The following TBC1D4 variants were observed in gnomAD, a reference collection of about 807,000 sequenced individuals.
TBC1D4 encodes TBC1 domain family member 4, also known as TBC (Tre-2, BUB2, CDC16) domain-containing protein.
Under a neutral mutation model 142.5 loss-of-function variants are expected in TBC1D4, and 121 were observed. The ratio of observed to expected loss-of-function variants is 0.85; its 90% CI spans 0.73 to 0.99. The LOEUF (loss-of-function observed/expected upper bound fraction) is 0.99, where lower values mean the gene tolerates loss of function less well. Ranked by LOEUF, TBC1D4 falls within the 50% of genes least tolerant of loss-of-function variation. TBC1D4 has a pLI of 0.00. For synonymous variants in TBC1D4, 630 were observed against 628.2 expected (o/e 1.00, Z -0.04); for missense variants, 1,475 against 1,606.6 (o/e 0.92, Z 1.40).
chr13:75,383,901 T>C (rs1884012314), intron 1 of TBC1D4, among the ~76,000 whole-genome samples: 1 of 152,238 alleles, frequency 6.6e-6, no homozygotes, highest in South Asian at 2.1e-4. Context: ...ATTTCCTGGG[T>C]ACATGGCCTA....
chr13:75,419,071 A>T (rs1484895857), intron 1 of TBC1D4, among the ~76,000 whole-genome samples: 1 of 152,132 alleles, frequency 6.6e-6, no homozygotes, highest in Non-Finnish European at 1.5e-5. Flanking sequence ...TCTTTCACAC[A>T]CACAAACACA....
At chr13:75,472,881 C>T (rs1888473790) in intron 1 of TBC1D4, among the ~76,000 whole-genome samples, 1 of 152,190 alleles carries the variant, frequency 6.6e-6, no homozygotes, top group African/African-American at 2.4e-5. Flanking sequence ...TTCAGGTAAA[C>T]TCAGGAAAAG....
chr13:75,298,330 C>G (rs183416530), intron 17 of TBC1D4, among the ~76,000 whole-genome samples: 23 of 152,268 alleles, frequency 1.5e-4, no homozygotes, highest in Admixed American at 3.3e-4. Flanking sequence ...TAGCAACCAA[C>G]CCACTTAGAG....
intron 11 of TBC1D4, among the ~76,000 whole-genome samples, chr13:75,323,245 AAAC>A (rs570501900): frequency 1.3e-3 from 199 of 152,276 alleles, no homozygotes; most frequent in African/African-American, 4.6e-3. Context: ...GCCAATTATC[AAAC>A]AACAAGAAAC....
chr13:75,292,618 AC>A (rs1230957349), intron 18 of TBC1D4, among the ~76,000 whole-genome samples: 2 of 152,196 alleles, frequency 1.3e-5, no homozygotes, highest in African/African-American at 4.8e-5. Flanking sequence ...CAACAGGAAT[AC>A]AAAAACAAAT....
At chr13:75,425,424 T>G (rs1056915770) in intron 1 of TBC1D4, among the ~76,000 whole-genome samples, 1 of 152,188 alleles carries the variant, frequency 6.6e-6, no homozygotes, top group Non-Finnish European at 1.5e-5. Context: ...TAGAGGTTCC[T>G]CAAAATAGAA....
rs778098545 is a variant in TBC1D4, at chr13:75,336,947, T to C, written c.1705A>G (p.Ser569Gly). ...LKNKAKRSLTSSLENIFSRGA... is the reference protein window; with the variant it reads ...LKNKAKRSLTGSLENIFSRGA... ...CTTGAGAAGATATTTTCCAGGGAGC[T>C]AGTTAAGGATCTCTTAGCTTTATTT... The change falls in exon 8 of 21, where the codon AGC becomes GGC. Residue 569 changes from serine (S) to glycine (G), a missense_variant. Physicochemically the swap from Ser to Gly is moderately conservative, Grantham distance 56. Around this residue, in one of 2 missense-constraint regions of TBC1D4, gnomAD observed 1,227 missense variants for 1,267.7 expected, o/e 0.97. Coordinates refer to ENST00000377636, the MANE Select transcript of TBC1D4 (RefSeq NM_014832.5). 6.8e-6 allele frequency: 11 copies of C among 1,613,726 alleles called. No individual in the cohort carries two copies. Among genetic ancestry groups the C allele is most frequent in the Non-Finnish European group, 8.5e-6 (10 of 1,179,792 alleles).
chr13:75,359,939 A>C (rs1247138736), intron 2 of TBC1D4, 81 bp from the exon 3 acceptor site: 4 of 1,115,194 alleles, frequency 3.6e-6, no homozygotes, highest in Non-Finnish European at 5.4e-6. Flanking sequence ...TAAACTAATA[A>C]TATAGATTCA....
In TBC1D4 at chr13:75,369,662, C is replaced by G. The variant is rs1225754139; in HGVS notation, c.499-7055G>C. 3.3e-5 allele frequency among the ~76,000 whole-genome samples: 5 copies of G among 152,124 alleles called. No individual in the cohort carries two copies. The East Asian group carries it at 9.6e-4, about 29-fold the overall frequency. The stretch of plus-strand genomic sequence containing the variant: ...TATCTACAGAAAAGATATGATACCC[C>G]CTAGGTCTCAGGTTTTTCATATGCA... On this transcript the variant is annotated intron_variant, in intron 1 of 20. Coordinates refer to ENST00000377636, the MANE Select transcript of TBC1D4 (RefSeq NM_014832.5).
chr13:75,422,864 C>G (rs188520506), intron 1 of TBC1D4, among the ~76,000 whole-genome samples: 10 of 152,202 alleles, frequency 6.6e-5, no homozygotes, highest in African/African-American at 2.4e-4. Flanking sequence ...TTCAGCTACT[C>G]TCGGTTTTTA....
intron 3 of TBC1D4, among the ~76,000 whole-genome samples, chr13:75,356,858 T>TA (rs549546698): frequency 9.3e-4 from 141 of 152,060 alleles, no homozygotes; most frequent in Non-Finnish European, 1.9e-3. Context: ...TATATCCCAT[T>TA]AAAAAAAATC....
At chr13:75,474,096 T>G (rs974169527) in intron 1 of TBC1D4, among the ~76,000 whole-genome samples, 9 of 152,240 alleles carry the variant, frequency 5.9e-5, no homozygotes, top group Non-Finnish European at 1.5e-5. Context: ...AAGTACATAC[T>G]GGCATAACTA....
intron 1 of TBC1D4, among the ~76,000 whole-genome samples, chr13:75,448,610 TA>T (rs764451867): frequency 1.3e-5 from 2 of 149,774 alleles, no homozygotes; most frequent in African/African-American, 2.5e-5. Flanking sequence ...AAAAACACCA[TA>T]AAAAAACTCC....
intron 1 of TBC1D4, among the ~76,000 whole-genome samples, chr13:75,392,136 C>A (rs1347939515): frequency 6.6e-6 from 1 of 151,914 alleles, no homozygotes; most frequent in Admixed American, 6.6e-5. Context: ...AAACAGAAGC[C>A]CTATAAAACC....
chr13:75,291,500 C>T (rs1324905802), intron 19 of TBC1D4, among the ~76,000 whole-genome samples: 1 of 152,154 alleles, frequency 6.6e-6, no homozygotes, highest in Non-Finnish European at 1.5e-5. Context: ...ATAGATGGTT[C>T]CTTCATTTGA....
In TBC1D4 at chr13:75,451,632, A is replaced by G. The variant is rs915822252; in HGVS notation, c.498+29638T>C. On this transcript the variant is annotated intron_variant, in intron 1 of 20. Coordinates refer to ENST00000377636, the MANE Select transcript of TBC1D4 (RefSeq NM_014832.5). ...GAGTTTGAGGATGTAGTGAGCTATGATTGCACCACTGCACTCCAGCCTGGG... is the reference window on the plus strand; with the variant it reads ...GAGTTTGAGGATGTAGTGAGCTATGGTTGCACCACTGCACTCCAGCCTGGG... Among the ~76,000 whole-genome samples the G allele has an allele frequency of 2.0e-5, 3 of 150,244 alleles. No homozygotes were observed. In the Admixed American group the frequency reaches 2.0e-4, roughly 10 times the overall value.
intron 11 of TBC1D4, among the ~76,000 whole-genome samples, chr13:75,321,229 A>G (rs1308687116): frequency 1.3e-5 from 2 of 152,146 alleles, no homozygotes; most frequent in African/African-American, 4.8e-5. Flanking sequence ...TCCAGATATC[A>G]TAGTAATTAT....
At chr13:75,439,712 C>G (rs1023175599) in intron 1 of TBC1D4, among the ~76,000 whole-genome samples, 2 of 151,970 alleles carry the variant, frequency 1.3e-5, no homozygotes, top group Non-Finnish European at 2.9e-5. Context: ...GTGGCGCAGT[C>G]TGGACAGTGA....
chr13:75,473,310 G>A (rs537066523), intron 1 of TBC1D4, among the ~76,000 whole-genome samples: 9 of 152,228 alleles, frequency 5.9e-5, no homozygotes, highest in African/African-American at 1.4e-4. Flanking sequence ...ATTTGTCCAA[G>A]TTACATAACC....
Sources: gnomAD v4.1 joint callset for allele counts (sites outside exome capture counted in the v4.1 genomes callset) on GRCh38, gnomAD v4.1.1 for gene constraint, gnomAD v4.1.1 regional missense constraint, MANE v1.5 for transcripts, NCBI Gene and HGNC (gene_info 2026-07-23, HGNC 2026-07-21) for gene names.